The following AGBL1 variants were observed in gnomAD, a reference collection of about 807,000 sequenced individuals.
The protein encoded by AGBL1 is cytosolic carboxypeptidase 4.
Under a neutral mutation model 118.9 loss-of-function variants are expected in AGBL1, and 130 were observed. The observed-to-expected ratio is 1.09, with a 90% CI of 0.95 to 1.26. AGBL1 has a LOEUF of 1.26. Among genes scored for constraint, AGBL1 ranks in the 50% most tolerant of loss-of-function variants. The probability of loss-of-function intolerance (pLI) is 0.00; values close to 1 mark genes in which losing one functional copy is unlikely to be tolerated. For missense variants in AGBL1, 1,584 were observed against 1,298.1 expected (o/e 1.22, Z -3.38); for synonymous variants, 555 against 478.9 (o/e 1.16, Z -2.08).
intron 18 of AGBL1, among the ~76,000 whole-genome samples, chr15:86,511,922 A>G (rs1042447501): frequency 1.3e-5 from 2 of 152,056 alleles, no homozygotes; most frequent in Non-Finnish European, 2.9e-5. Context: ...CAAGATATAA[A>G]TAAATGTAGA....
At chr15:86,181,671 T>C (rs2077554731) in intron 5 of AGBL1, among the ~76,000 whole-genome samples, 1 of 152,006 alleles carries the variant, frequency 6.6e-6, no homozygotes, top group Non-Finnish European at 1.5e-5. Context: ...ACTTATTGCA[T>C]GCCAATAATA....
intron 22 of AGBL1, among the ~76,000 whole-genome samples, chr15:86,775,474 G>A (rs747499066): frequency 2.6e-5 from 4 of 152,114 alleles, no homozygotes; most frequent in Non-Finnish European, 5.9e-5. Context: ...GCATCTTAGA[G>A]TTAAATCCTG....
At chr15:86,572,497 G>C (rs1440309441) in intron 21 of AGBL1, among the ~76,000 whole-genome samples, 1 of 152,188 alleles carries the variant, frequency 6.6e-6, no homozygotes, top group African/African-American at 2.4e-5. Context: ...GGGGTGGCAG[G>C]CTCCAGGAGG....
At chr15:87,011,857 T>C (rs1206947486) in intron 24 of AGBL1, among the ~76,000 whole-genome samples, 1 of 152,228 alleles carries the variant, frequency 6.6e-6, no homozygotes, top group Non-Finnish European at 1.5e-5. Flanking sequence ...CCATTGTGTA[T>C]ATTTTTCTAA....
chr15:86,305,320 C>A (rs1483956927), intron 17 of AGBL1, among the ~76,000 whole-genome samples: 1 of 152,024 alleles, frequency 6.6e-6, no homozygotes, highest in African/African-American at 2.4e-5. Context: ...TAAAACCATG[C>A]TGAAGGAAAG....
chr15:86,275,673 GT>G (rs1285573577), intron 15 of AGBL1, among the ~76,000 whole-genome samples: 1 of 152,188 alleles, frequency 6.6e-6, no homozygotes, highest in Non-Finnish European at 1.5e-5. Context: ...AAGATAAATG[GT>G]TCAGGCAATG....
intron 21 of AGBL1, among the ~76,000 whole-genome samples, chr15:86,629,767 C>T (rs983449577): frequency 1.5e-4 from 23 of 152,118 alleles, no homozygotes; most frequent in African/African-American, 4.6e-4. Context: ...CAGAATTTCC[C>T]GTTCATATTT....
At chr15:86,109,556 C>T (rs1041643009) in intron 1 of AGBL1, among the ~76,000 whole-genome samples, 1 of 152,074 alleles carries the variant, frequency 6.6e-6, no homozygotes, top group Non-Finnish European at 1.5e-5. Context: ...CATGGTTGAT[C>T]AAAATTTGTT....
intron 22 of AGBL1, among the ~76,000 whole-genome samples, chr15:86,849,248 T>C (rs1383798108): frequency 1.3e-5 from 2 of 152,228 alleles, no homozygotes; most frequent in Admixed American, 6.5e-5. Flanking sequence ...TATGCAGCTT[T>C]CTCTGCTTTG....
At chr15:86,851,467 C>G (rs949953726) in intron 22 of AGBL1, among the ~76,000 whole-genome samples, 3 of 152,168 alleles carry the variant, frequency 2.0e-5, no homozygotes, top group African/African-American at 7.2e-5. Flanking sequence ...GCATTGAGAA[C>G]AGGAGGTCTG....
chr15:86,099,674 T>C (rs1472417635), intron 1 of AGBL1, among the ~76,000 whole-genome samples: 1 of 151,788 alleles, frequency 6.6e-6, no homozygotes, highest in African/African-American at 2.4e-5. Context: ...CACATGAGGC[T>C]AATTTTTGTA....
intron 5 of AGBL1, among the ~76,000 whole-genome samples, chr15:86,172,423 A>T (rs773865612): frequency 8.5e-5 from 13 of 152,282 alleles, no homozygotes; most frequent in African/African-American, 1.7e-4. Flanking sequence ...ACCTATCATC[A>T]CTTCACTATG....
At chr15:86,857,391 A>C (rs2079498290) in intron 22 of AGBL1, among the ~76,000 whole-genome samples, 1 of 152,032 alleles carries the variant, frequency 6.6e-6, no homozygotes, top group Non-Finnish European at 1.5e-5. Flanking sequence ...CACCCATCCC[A>C]TATCTCGAGC....
intron 4 of AGBL1, among the ~76,000 whole-genome samples, chr15:86,158,678 C>T (rs994071066): frequency 2.6e-5 from 4 of 152,200 alleles, no homozygotes; most frequent in African/African-American, 9.6e-5. Context: ...AAAAACTTCC[C>T]AGTCTAGTTA....
intron 24 of AGBL1, among the ~76,000 whole-genome samples, chr15:86,993,800 A>G (rs1331070649): frequency 6.6e-6 from 1 of 152,156 alleles, no homozygotes; most frequent in Non-Finnish European, 1.5e-5. Flanking sequence ...TCCCCTTCTC[A>G]GTATGCTTTT....
chr15:86,526,736 C>A (rs1194743977), intron 19 of AGBL1, among the ~76,000 whole-genome samples: 1 of 151,638 alleles, frequency 6.6e-6, no homozygotes, highest in Admixed American at 6.6e-5. Context: ...AACTGGAGGC[C>A]ATTATCCTAT....
intron 1 of AGBL1, among the ~76,000 whole-genome samples, chr15:86,134,408 G>T (rs1341787828): frequency 6.6e-6 from 1 of 152,030 alleles, no homozygotes; most frequent in Non-Finnish European, 1.5e-5. Flanking sequence ...GAATGTTATG[G>T]GCTTGTTCTT....
chr15:86,960,074 C>A (rs1026688604), intron 23 of AGBL1, among the ~76,000 whole-genome samples: 1 of 152,140 alleles, frequency 6.6e-6, no homozygotes, highest in African/African-American at 2.4e-5. Flanking sequence ...CCTTTTGCTT[C>A]TTTAACCTTT....
chr15:86,886,087 G>T (rs1418571414), intron 22 of AGBL1, among the ~76,000 whole-genome samples: 1 of 152,034 alleles, frequency 6.6e-6, no homozygotes, highest in Non-Finnish European at 1.5e-5. Flanking sequence ...ACCCCATCCT[G>T]CAAGTTTTGG....
Sources: gnomAD v4.1 joint callset for allele counts (sites outside exome capture counted in the v4.1 genomes callset) on GRCh38, gnomAD v4.1.1 for gene constraint, MANE v1.5 for transcripts, NCBI Gene and HGNC (gene_info 2026-07-23, HGNC 2026-07-21) for gene names.